The following PRKAR1B variants were observed in gnomAD, a reference collection of about 807,000 sequenced individuals.
PRKAR1B encodes the protein cAMP-dependent protein kinase type I-beta regulatory subunit.
In PRKAR1B, 22 loss-of-function variants were observed where a neutral mutation model predicts 46.5. The observed-to-expected ratio is 0.47, with a 90% CI of 0.34 to 0.68. PRKAR1B has a LOEUF of 0.68. Ranked by LOEUF, PRKAR1B falls within the 30% of genes least tolerant of loss-of-function variation. PRKAR1B has a pLI of 0.01. For missense variants in PRKAR1B, 445 were observed against 535.6 expected, an observed-to-expected ratio of 0.83 and a Z score of 1.67; for synonymous variants, 259 against 217.7, an observed-to-expected ratio of 1.19 and a Z score of -1.67.
At chr7:583,260 A>T (rs1331573824) in intron 8 of PRKAR1B, among the ~76,000 whole-genome samples, 1 of 152,138 alleles carries the variant, frequency 6.6e-6, no homozygotes, top group Non-Finnish European at 1.5e-5. Context: ...CTTTCTCGAC[A>T]TTTCACAGAA....
At chr7:620,167 G>A (rs978905464) in intron 4 of PRKAR1B, among the ~76,000 whole-genome samples, 33 of 152,030 alleles carry the variant, frequency 2.2e-4, no homozygotes, top group African/African-American at 7.3e-4. Context: ...TCACATTTCC[G>A]AATGTGTTTA....
At chr7:716,074 G>T (rs1436532810) in intron 1 of PRKAR1B, among the ~76,000 whole-genome samples, 2 of 151,376 alleles carry the variant, frequency 1.3e-5, no homozygotes, top group African/African-American at 4.9e-5. Flanking sequence ...TTGAGACAGG[G>T]TCTCACTCTG....
In PRKAR1B at chr7:580,012, C is replaced by T. The variant is rs1021751612; in HGVS notation, c.770-635G>A. 3.9e-5 allele frequency among the ~76,000 whole-genome samples: 6 copies of T among 152,048 alleles called. No homozygotes were observed. In the South Asian group the frequency reaches 1.0e-3, roughly 26 times the overall value. ...ACTCAGGATGCTAAGGCGGGAGGAT[C>T]GCTTGAGGCCAGAGTTCAAGACCAG... On this transcript the variant is annotated intron_variant, in intron 8 of 10. Transcript: ENST00000537384.
At chr7:693,363 A>G (rs2128517637) in intron 2 of PRKAR1B, among the ~76,000 whole-genome samples, 1 of 152,004 alleles carries the variant, frequency 6.6e-6, no homozygotes, top group African/African-American at 2.4e-5. Flanking sequence ...ACCTCCATCC[A>G]GATCCAGGAC....
chr7:711,287 G>T, intron 2 of PRKAR1B, 42 bp downstream of exon 2: 6 of 1,608,588 alleles, frequency 3.7e-6, no homozygotes, highest in Non-Finnish European at 5.1e-6. Context: ...TCTGCCCCAG[G>T]ACACGTGCGA....
intron 9 of PRKAR1B, among the ~76,000 whole-genome samples, chr7:574,774 G>C (rs1255435222): frequency 2.0e-5 from 3 of 152,172 alleles, no homozygotes. Context: ...GAAATCTCCT[G>C]ACTATAAAAT....
intron 9 of PRKAR1B, chr7:565,628 T>C (rs1216439356): frequency 6.6e-6 from 1 of 152,268 alleles, no homozygotes; most frequent in Non-Finnish European, 1.5e-5. Context: ...AATTGATTTT[T>C]ATCTTGCCTG....
intron 7 of PRKAR1B, among the ~76,000 whole-genome samples, chr7:587,007 C>T (rs1164034502): frequency 7.2e-5 from 11 of 151,972 alleles, no homozygotes; most frequent in African/African-American, 1.7e-4. Flanking sequence ...CCTCAGCCTC[C>T]GGAGTAGCTG....
rs975747332 is a variant in PRKAR1B, at chr7:666,112, C to T, written c.440+11117G>A. Among the ~76,000 whole-genome samples, 2 of 152,168 alleles carry T rather than the reference C, an allele frequency of 1.3e-5. No individual in the cohort carries two copies. The highest frequency in any genetic ancestry group is 2.4e-5 in the African/African-American group (1 of 41,432). ...GGTGCCACCCAATTATCACGTTTCT[C>T]GGCTCCCAGGAGCTCAGCGATGCTC... On this transcript the variant is annotated intron_variant, in intron 4 of 10. Transcript: ENST00000537384. This position sits in a 1 kb window ranked among gnomAD's most constrained non-coding sequence, Gnocchi z 4.9.
At chr7:615,627 G>C (rs925773418) in intron 4 of PRKAR1B, among the ~76,000 whole-genome samples, 1 of 151,344 alleles carries the variant, frequency 6.6e-6, no homozygotes, top group Admixed American at 6.6e-5. Context: ...CACGAGGTCA[G>C]GAGATCGAGA....
rs1414086333 is a variant in PRKAR1B at position 593,690 on chromosome 7, C to T, written c.708+2456G>A. Among the ~76,000 whole-genome samples the T allele has an allele frequency of 6.6e-6, 1 of 152,138 alleles. No homozygotes were observed. Among genetic ancestry groups the T allele is most frequent in the Admixed American group, 6.5e-5 (1 of 15,280 alleles). ...GTCTCAGGGGACCCCTCCCACGCGG[C>T]GACAGAGGCCTCCCAGTGAAGGCAG... On this transcript the variant is annotated intron_variant, in intron 7 of 10. Coordinates refer to ENST00000537384, the MANE Select transcript of PRKAR1B (RefSeq NM_001164760.2). The surrounding 1 kb of genome is among the most constrained non-coding windows in gnomAD (Gnocchi z 6.1).
At chr7:621,810 C>CA (rs111844600) in intron 4 of PRKAR1B, among the ~76,000 whole-genome samples, 3,517 of 152,324 alleles carry the variant, frequency 0.023, 139 homozygotes, top group African/African-American at 0.079. Flanking sequence ...CACTCTCAGC[C>CA]TCTAAAGCAG....
At chr7:627,108 C>T (rs1049790811) in intron 4 of PRKAR1B, among the ~76,000 whole-genome samples, 11 of 152,156 alleles carry the variant, frequency 7.2e-5, no homozygotes, top group African/African-American at 2.7e-4. Context: ...CTCTTGACCT[C>T]GTGATCCGCC....
intron 9 of PRKAR1B, among the ~76,000 whole-genome samples, chr7:566,740 C>CATCTCAGCACCTCCACCATCGTT (rs1779202409): frequency 0.5 from 1 of 2 alleles, no homozygotes; most frequent in Non-Finnish European, 0.5. Flanking sequence ...TCATCATCAC[C>CATCTCAGCACCTCCACCATCGTT]ATCACCATCA....
At chr7:704,859 A>G (rs532152673) in intron 2 of PRKAR1B, among the ~76,000 whole-genome samples, 2 of 152,366 alleles carry the variant, frequency 1.3e-5, no homozygotes, top group African/African-American at 2.4e-5. Context: ...TCTGAAACTC[A>G]GTAGTAAGAA....
chr7:659,768 G>A (rs760210177), intron 4 of PRKAR1B, among the ~76,000 whole-genome samples: 3 of 152,160 alleles, frequency 2.0e-5, no homozygotes, highest in Non-Finnish European at 4.4e-5. Flanking sequence ...GTGCAGTGGC[G>A]CGATCTCGGC....
chr7:565,516 G>A (rs548759152), intron 9 of PRKAR1B: 5 of 152,316 alleles, frequency 3.3e-5, no homozygotes, highest in East Asian at 3.8e-4. Flanking sequence ...GGAGAGTCTC[G>A]TGCTCAGAGA....
chr7:583,577 CACTTGCACACTCCCAG>C (rs1780397983), intron 8 of PRKAR1B, among the ~76,000 whole-genome samples: 33 of 134,066 alleles, frequency 2.5e-4, no homozygotes, highest in Admixed American at 4.2e-4. Context: ...CATGCACACA[CACTTGCACACTCCCAG>C]GTGCACACAC....
intron 4 of PRKAR1B, among the ~76,000 whole-genome samples, chr7:654,459 CACT>C: frequency 6.6e-6 from 1 of 152,006 alleles, no homozygotes; most frequent in South Asian, 2.1e-4. Flanking sequence ...CCATCTTCAT[CACT>C]ACCATCACCA....
Sources: gnomAD v4.1 joint callset for allele counts (sites outside exome capture counted in the v4.1 genomes callset) on GRCh38, gnomAD v4.1.1 for gene constraint, Gnocchi (gnomAD v3.1) non-coding constraint, MANE v1.5 for transcripts, NCBI Gene and HGNC (gene_info 2026-07-23, HGNC 2026-07-21) for gene names.